Variants in TMOD3 observed in about 807,000 individuals in gnomAD.
TMOD3 encodes the protein tropomodulin 3, also known as tropomodulin-3.
TMOD3 carries 20 observed loss-of-function variants against 39.2 expected under a neutral mutation model. The ratio of observed to expected loss-of-function variants is 0.51; its 90% confidence interval spans 0.36 to 0.74. The LOEUF (loss-of-function observed/expected upper bound fraction) is 0.74, where lower values mean the gene tolerates loss of function less well. TMOD3 is among the 30% of genes least tolerant of loss of function. TMOD3 has a pLI of 0.00. For synonymous variants in TMOD3, 143 were observed against 145.8 expected (o/e 0.98, Z 0.14); for missense variants, 381 against 412.8 (o/e 0.92, Z 0.67).
rs184275617 is a variant in TMOD3, at chr15:51,847,753, C to T, written c.-74-15058C>T. Among the ~76,000 whole-genome samples, 3 of 152,230 alleles carry T rather than the reference C, an allele frequency of 2.0e-5. No homozygotes were observed. The East Asian group carries it at 5.8e-4, about 29-fold the overall frequency. On this transcript the variant is annotated intron_variant, in intron 1 of 9. Transcript: ENST00000308580. ...AGCAAGACCCCATCTCTATCCTCCTCCATTTGCTATCAAAGTAATATACGT... is the reference window on the plus strand; with the variant it reads ...AGCAAGACCCCATCTCTATCCTCCTTCATTTGCTATCAAAGTAATATACGT...
intron 1 of TMOD3, among the ~76,000 whole-genome samples, chr15:51,847,876 C>T (rs1286675064): frequency 6.6e-6 from 1 of 152,290 alleles, no homozygotes; most frequent in East Asian, 1.9e-4. Context: ...GTTTGAATGT[C>T]TGTACCTTCC....
chr15:51,909,014 A>G lies in TMOD3; in HGVS notation c.*204A>G. 2.5e-6 allele frequency: 1 copy of G among 397,896 alleles called. No homozygotes were observed. The highest frequency in any genetic ancestry group is 4.5e-6 in the Non-Finnish European group (1 of 224,682). 24.6% of individuals were successfully genotyped at this position (397,896 alleles called of 1,614,324 possible). On this transcript the variant is annotated 3_prime_UTR_variant, in exon 10 of 10. Transcript: ENST00000308580. ...TGAAACATTTCTACTTTCTGCTAAAATCAATTTTAATTTAGTTTAATTGAA... is the reference window on the plus strand; with the variant it reads ...TGAAACATTTCTACTTTCTGCTAAAGTCAATTTTAATTTAGTTTAATTGAA...
In TMOD3 at chr15:51,830,303, G is replaced by T. The variant is rs563706421; in HGVS notation, c.-75+467G>T. Among the ~76,000 whole-genome samples, 4 of 152,330 alleles carry T rather than the reference G, an allele frequency of 2.6e-5. No individual in the cohort carries two copies. In the South Asian group the frequency reaches 8.3e-4, roughly 32 times the overall value. On this transcript the variant is annotated intron_variant, in intron 1 of 9. Coordinates refer to ENST00000308580, the MANE Select transcript of TMOD3 (RefSeq NM_014547.5). The stretch of plus-strand genomic sequence containing the variant: ...GGCACACCCTTTTTGTGATTGAAAT[G>T]TGGCTGCCCTTGCATTCACCGGTTT...
chr15:51,900,106 T>C, intron 7 of TMOD3, 49 bp from the exon 8 acceptor site: 2 of 1,546,290 alleles, frequency 1.3e-6, no homozygotes, highest in African/African-American at 1.4e-5. Context: ...CAATATGTAG[T>C]AGGTACTGTA....
Position 51,864,438 on chromosome 15 carries a change from G to C in TMOD3, c.126+1428G>C, listed in dbSNP as rs541091761. ...CCCTGACCAGTAGCACACTCCTCCTGTTTTAAAATGTTCCTAGGATGTTGT... is the reference window on the plus strand; with the variant it reads ...CCCTGACCAGTAGCACACTCCTCCTCTTTTAAAATGTTCCTAGGATGTTGT... On this transcript the variant is annotated intron_variant, in intron 2 of 9. Transcript: ENST00000308580. Among the ~76,000 whole-genome samples, 171 of 152,188 alleles carry C rather than the reference G, an allele frequency of 1.1e-3. 2 individuals carry two copies. Among genetic ancestry groups the C allele is most frequent in the African/African-American group, 4.0e-3 (164 of 41,502 alleles).
intron 2 of TMOD3, 42 bp from the exon 3 acceptor site, chr15:51,869,175 C>G (rs372635483): frequency 4.4e-6 from 7 of 1,597,702 alleles, no homozygotes; most frequent in Non-Finnish European, 6.0e-6. Context: ...ATAGCATTAG[C>G]ATTCTTATTG....
At chr15:51,836,723 CAA>C (rs760890596) in intron 1 of TMOD3, among the ~76,000 whole-genome samples, 5 of 129,270 alleles carry the variant, frequency 3.9e-5, no homozygotes, top group African/African-American at 6.1e-5. Flanking sequence ...TGCTCCGTCT[CAA>C]AAAAAAAAAA....
At chr15:51,853,752 C>T (rs1310145332) in intron 1 of TMOD3, among the ~76,000 whole-genome samples, 6 of 149,986 alleles carry the variant, frequency 4.0e-5, no homozygotes, top group South Asian at 2.1e-4. Flanking sequence ...GAGGCTGCGC[C>T]ACTGCACTCT....
At chr15:51,843,553 C>T (rs927229768) in intron 1 of TMOD3, among the ~76,000 whole-genome samples, 2 of 152,166 alleles carry the variant, frequency 1.3e-5, no homozygotes, top group African/African-American at 4.8e-5. Flanking sequence ...GTTTGCTTGT[C>T]TAGAGCCTGG....
rs1027252659 is a variant in TMOD3, at chr15:51,867,577, C to T, written c.127-1640C>T. On this transcript the variant is annotated intron_variant, in intron 2 of 9. Coordinates refer to ENST00000308580, the MANE Select transcript of TMOD3 (RefSeq NM_014547.5). ...TGACCACAGTTGAAGTGCTGTATTT[C>T]CTAGTTACAAATTGAATATTTTCTA... Among the ~76,000 whole-genome samples, 5 of 152,122 alleles carry T rather than the reference C, an allele frequency of 3.3e-5. No homozygotes were observed. In the South Asian group the frequency reaches 8.3e-4, roughly 25 times the overall value.
intron 2 of TMOD3, 118 bp from the exon 3 acceptor site, chr15:51,869,099 G>A (rs1364226031): frequency 6.6e-6 from 7 of 1,061,934 alleles, no homozygotes; most frequent in Non-Finnish European, 8.1e-6. Flanking sequence ...CTGCAATGAA[G>A]TGTTTAGTGC....
intron 2 of TMOD3, among the ~76,000 whole-genome samples, chr15:51,867,617 A>G (rs1028011385): frequency 2.6e-5 from 4 of 152,192 alleles, no homozygotes; most frequent in African/African-American, 7.2e-5. Context: ...TATTGCCCAT[A>G]TAAGATTACC....
intron 3 of TMOD3, among the ~76,000 whole-genome samples, chr15:51,880,080 T>C (rs1461884733): frequency 6.6e-6 from 1 of 152,176 alleles, no homozygotes; most frequent in African/African-American, 2.4e-5. Flanking sequence ...TTTAAATTAA[T>C]ACATGTTTAG....
rs546860907 is a variant in TMOD3 at position 51,897,414 on chromosome 15, C to T, written c.735+888C>T. Among the ~76,000 whole-genome samples, 4 of 150,620 alleles carry T rather than the reference C, an allele frequency of 2.7e-5. No homozygotes were observed. The East Asian group carries it at 5.8e-4, about 22-fold the overall frequency. Reference sequence around the variant, plus strand: ...TGACTTCCATCCTGTGCCTGCTTTTCTCTGCTGTTTTCTATCTTACTAAAT... The same window carrying T: ...TGACTTCCATCCTGTGCCTGCTTTTTTCTGCTGTTTTCTATCTTACTAAAT... On this transcript the variant is annotated intron_variant, in intron 7 of 9. Transcript: ENST00000308580.
intron 1 of TMOD3, among the ~76,000 whole-genome samples, chr15:51,855,556 A>G (rs972947206): frequency 1.3e-5 from 2 of 152,268 alleles, no homozygotes; most frequent in African/African-American, 4.8e-5. Context: ...GATCGTGAGA[A>G]TGTTATGCTT....
rs533300813 is a variant in TMOD3, at chr15:51,914,060, A to G, written c.*5250A>G. 8 of 150,748 alleles carry G rather than the reference A, an allele frequency of 5.3e-5. No individual in the cohort carries two copies. The South Asian group carries it at 6.3e-4, about 12-fold the overall frequency. The allele number at this position is 150,748 out of a possible 1,614,324, so 9.3% of individuals were successfully genotyped here. On this transcript the variant is annotated 3_prime_UTR_variant, in exon 10 of 10. Coordinates refer to ENST00000308580, the MANE Select transcript of TMOD3 (RefSeq NM_014547.5). ...AGCTATACTCATAGTACTTTGGGAG[A>G]CCAAGCAGGGAGGATTACTTGAGAC... is the stretch of plus-strand genomic sequence containing the variant.
At chr15:51,896,155 A>G (rs1234278709) in intron 6 of TMOD3, among the ~76,000 whole-genome samples, 2 of 151,100 alleles carry the variant, frequency 1.3e-5, no homozygotes, top group Admixed American at 1.3e-4. Flanking sequence ...GAGAATAATG[A>G]GAATTTTTTT....
rs112928457 is a variant in TMOD3 at position 51,860,612 on chromosome 15, T to C, written c.-74-2199T>C. 2.7e-3 allele frequency: 1,484 copies of C among 547,914 alleles called. 5 individuals are homozygous for C. Among genetic ancestry groups the C allele is most frequent in the Middle Eastern group, 0.015 (28 of 1,822 alleles). 33.9% of individuals were successfully genotyped at this position (547,914 alleles called of 1,614,324 possible). A position where few individuals can be genotyped will look rare whatever the true frequency, so the allele number is the denominator to read the frequency against. On this transcript the variant is annotated intron_variant, in intron 1 of 9. Transcript: ENST00000308580. ...ACATGGCAGAGAATACCTTGCTAAG[T>C]TGAGTTTTAGTAGCCCATTTCTTAC...
chr15:51,865,426 A>C (rs1405724240), intron 2 of TMOD3, among the ~76,000 whole-genome samples: 1 of 152,086 alleles, frequency 6.6e-6, no homozygotes, highest in East Asian at 1.9e-4. Flanking sequence ...GATACCTGGC[A>C]GTCTAGCAGT....
Sources: gnomAD v4.1 joint callset for allele counts (sites outside exome capture counted in the v4.1 genomes callset) on GRCh38, gnomAD v4.1.1 for gene constraint, MANE v1.5 for transcripts, NCBI Gene and HGNC (gene_info 2026-07-23, HGNC 2026-07-21) for gene names.